Variants in ZBTB16 observed in about 807,000 individuals in gnomAD.
ZBTB16 encodes zinc finger and BTB domain-containing protein 16.
A neutral mutation model predicts 56.8 loss-of-function variants in ZBTB16; 8 were observed. That is an observed-to-expected ratio of 0.14 (90% CI 0.08 to 0.25). The LOEUF is 0.25. ZBTB16 is among the 10% of genes least tolerant of loss of function. The pLI is 1.00. For synonymous variants in ZBTB16, 363 were observed against 368.5 expected, an observed-to-expected ratio of 0.98 and a Z score of 0.17; for missense variants, 625 against 903.0, an observed-to-expected ratio of 0.69 and a Z score of 3.95.
intron 4 of ZBTB16, among the ~76,000 whole-genome samples, chr11:114,213,681 G>A (rs1944039863): frequency 6.6e-6 from 1 of 152,192 alleles, no homozygotes; most frequent in Admixed American, 6.5e-5. Flanking sequence ...GCTAGACATA[G>A]GTAGCCTTCT....
intron 2 of ZBTB16, among the ~76,000 whole-genome samples, chr11:114,090,465 C>T (rs1323661890): frequency 1.3e-5 from 2 of 152,220 alleles, no homozygotes; most frequent in Non-Finnish European, 2.9e-5. Context: ...GATGCCTGGC[C>T]TAGCCAGGGG....
chr11:114,134,776 A>G (rs1427489234), intron 2 of ZBTB16, among the ~76,000 whole-genome samples: 1 of 152,226 alleles, frequency 6.6e-6, no homozygotes, highest in African/African-American at 2.4e-5. Context: ...TTTTTTTTAA[A>G]CAATGAAAAT....
intron 4 of ZBTB16, among the ~76,000 whole-genome samples, chr11:114,223,296 GAT>G (rs892572956): frequency 6.6e-6 from 1 of 152,170 alleles, no homozygotes; most frequent in Admixed American, 6.5e-5. Context: ...AACACATGTG[GAT>G]ATGAGTGTAC....
chr11:114,187,389 A>G (rs1943386623), intron 4 of ZBTB16: 1 of 320,570 alleles, frequency 3.1e-6, no homozygotes, highest in East Asian at 6.5e-5. Flanking sequence ...TGGTCAGGAA[A>G]TCTCTCACAC....
chr11:114,164,793 G>T (rs984743164), intron 3 of ZBTB16, among the ~76,000 whole-genome samples: 2 of 152,032 alleles, frequency 1.3e-5, no homozygotes, highest in African/African-American at 4.8e-5. Flanking sequence ...ACGCTACTGC[G>T]GCCCTTACTT....
At chr11:114,242,937 A>C (rs1462291393) in intron 5 of ZBTB16, among the ~76,000 whole-genome samples, 1 of 152,220 alleles carries the variant, frequency 6.6e-6, no homozygotes, top group African/African-American at 2.4e-5. Flanking sequence ...CTGCTCAGCC[A>C]GTTCCAGGTG....
At chr11:114,215,068 GTTAATTGAAT>G (rs571231393) in intron 4 of ZBTB16, among the ~76,000 whole-genome samples, 89 of 151,756 alleles carry the variant, frequency 5.9e-4, no homozygotes, top group Non-Finnish European at 9.7e-4. Context: ...ACTGTGTCCA[GTTAATTGAAT>G]TTATAATTCA....
At chr11:114,175,207 G>T (rs1013184539) in intron 3 of ZBTB16, among the ~76,000 whole-genome samples, 4 of 152,190 alleles carry the variant, frequency 2.6e-5, no homozygotes, top group African/African-American at 9.7e-5. Context: ...AGCACAGAAA[G>T]TGGAGCTCAA....
intron 4 of ZBTB16, among the ~76,000 whole-genome samples, chr11:114,218,273 C>G (rs933078556): frequency 6.6e-6 from 1 of 152,292 alleles, no homozygotes; most frequent in Non-Finnish European, 1.5e-5. Context: ...ACATGTGTCT[C>G]TCTTTTCTGA....
intron 2 of ZBTB16, among the ~76,000 whole-genome samples, chr11:114,069,784 C>T (rs1423225421): frequency 6.6e-6 from 1 of 152,184 alleles, no homozygotes. Context: ...TTATCGGTTG[C>T]AGCATTTTCT....
At chr11:114,158,990 A>G (rs999610493) in intron 3 of ZBTB16, among the ~76,000 whole-genome samples, 2 of 152,242 alleles carry the variant, frequency 1.3e-5, no homozygotes, top group Non-Finnish European at 2.9e-5. Flanking sequence ...CTCGTATTGT[A>G]TCCCTCTTCC....
chr11:114,177,079 C>G (rs1943135307), intron 3 of ZBTB16, among the ~76,000 whole-genome samples: 1 of 152,214 alleles, frequency 6.6e-6, no homozygotes, highest in Non-Finnish European at 1.5e-5. Flanking sequence ...TGGAGCTCAT[C>G]AGCTTGATGA....
intron 2 of ZBTB16, among the ~76,000 whole-genome samples, chr11:114,110,314 A>T (rs1940958993): frequency 6.6e-6 from 1 of 152,212 alleles, no homozygotes; most frequent in Admixed American, 6.5e-5. Flanking sequence ...CAGTCCCCCA[A>T]GGCAGCAATC....
At chr11:114,198,059 C>G (rs537631883) in intron 4 of ZBTB16, among the ~76,000 whole-genome samples, 1 of 152,080 alleles carries the variant, frequency 6.6e-6, no homozygotes, top group South Asian at 2.1e-4. Context: ...CCTCAAACCT[C>G]TGTCCAAGGT....
At chr11:114,173,698 C>T (rs970542985) in intron 3 of ZBTB16, among the ~76,000 whole-genome samples, 22 of 152,084 alleles carry the variant, frequency 1.4e-4, no homozygotes, top group African/African-American at 5.1e-4. Context: ...CCTTTACAGC[C>T]GAGAGTGAGG....
At chr11:114,112,491 C>T (rs568129904) in intron 2 of ZBTB16, among the ~76,000 whole-genome samples, 214 of 152,224 alleles carry the variant, frequency 1.4e-3, no homozygotes, top group Non-Finnish European at 2.3e-3. Context: ...AGGAGAAAGA[C>T]TGGTGAGAAT....
Position 114,164,852 on chromosome 11 carries a change from C to T in ZBTB16, c.1366+8418C>T, listed in dbSNP as rs375725249. On this transcript the variant is annotated intron_variant, in intron 3 of 6. Coordinates refer to ENST00000335953, the MANE Select transcript of ZBTB16 (RefSeq NM_006006.6). ...GTGGTGGCAGGTATTTATTTTTCAGCTCTTCTCTTCTCCTTCTATTTCTCC... is the reference window on the plus strand; with the variant it reads ...GTGGTGGCAGGTATTTATTTTTCAGTTCTTCTCTTCTCCTTCTATTTCTCC... Among the ~76,000 whole-genome samples, 18 of 152,144 alleles carry T rather than the reference C, an allele frequency of 1.2e-4. 1 individual carries two copies. The East Asian group carries it at 3.5e-3, about 30-fold the overall frequency.
chr11:114,122,527 C>A (rs1047649056), intron 2 of ZBTB16, among the ~76,000 whole-genome samples: 1 of 152,114 alleles, frequency 6.6e-6, no homozygotes, highest in African/African-American at 2.4e-5. Context: ...GATTTAATAT[C>A]ATAATAAAGG....
intron 3 of ZBTB16, among the ~76,000 whole-genome samples, chr11:114,159,740 A>G (rs1942524679): frequency 6.6e-6 from 1 of 152,122 alleles, no homozygotes; most frequent in Non-Finnish European, 1.5e-5. Context: ...GAACTAGGTG[A>G]TGTTTTAGAA....
Sources: allele counts gnomAD v4.1 joint callset (sites outside exome capture counted in the v4.1 genomes callset), GRCh38; gene constraint gnomAD v4.1.1; transcripts MANE v1.5; gene names NCBI Gene and HGNC (gene_info 2026-07-23, HGNC 2026-07-21).